The following FRMPD4 variants were observed in gnomAD, a reference collection of about 807,000 sequenced individuals.
FRMPD4 encodes FERM and PDZ domain containing 4.
A neutral mutation model predicts 94.1 loss-of-function variants in FRMPD4; 22 were observed. That is an observed-to-expected ratio of 0.23 (90% CI 0.17 to 0.33). The LOEUF is 0.33. Among genes scored for constraint, FRMPD4 ranks in the 10% least tolerant of loss-of-function variants. The pLI is 1.00. For synonymous variants in FRMPD4, 631 were observed against 548.6 expected (o/e 1.15, Z -2.10); for missense variants, 1,111 against 1,339.9 (o/e 0.83, Z 2.67).
chrX:11,890,081 G>A (rs367940149), intron 3 of FRMPD4, among the ~76,000 whole-genome samples: 3 of 112,493 alleles, frequency 2.7e-5, no homozygotes, highest in South Asian at 7.4e-4. Flanking sequence ...TAGCAGAAGG[G>A]TTGGGGGAAC....
At chrX:11,973,671 A>C (rs1431640328) in intron 3 of FRMPD4, among the ~76,000 whole-genome samples, 1 of 112,033 alleles carries the variant, frequency 8.9e-6, no homozygotes, top group African/African-American at 3.2e-5. Flanking sequence ...TTCGTTCTTC[A>C]TTTTTTGTCT....
At chrX:12,663,868 C>A (rs1462628450) in intron 4 of FRMPD4, among the ~76,000 whole-genome samples, 1 of 112,199 alleles carries the variant, frequency 8.9e-6, no homozygotes, top group African/African-American at 3.2e-5. Context: ...TGTGCCCTCT[C>A]TTATTTCCTT....
Position 12,200,519 on chromosome X carries a change from A to G in FRMPD4, c.41+61507A>G, listed in dbSNP as rs541183840. ...TTTAAAATTTTTATTATTTTTGCAG[A>G]GGTGGGGTCTCACCATATTGCCCAG... On this transcript the variant is annotated intron_variant, in intron 1 of 16. Transcript: ENST00000675598. 1.4e-4 allele frequency among the ~76,000 whole-genome samples: 16 copies of G among 110,948 alleles called. No homozygotes were observed. The South Asian group carries it at 5.9e-3, about 41-fold the overall frequency.
chrX:12,276,206 C>T (rs2054432770), intron 1 of FRMPD4, among the ~76,000 whole-genome samples: 1 of 112,614 alleles, frequency 8.9e-6, no homozygotes, highest in South Asian at 3.7e-4. Flanking sequence ...TTTCTTGTAG[C>T]TGTCCATGAA....
At chrX:12,531,972 T>C (rs35921483) in intron 2 of FRMPD4, among the ~76,000 whole-genome samples, 1,935 of 111,962 alleles carry the variant, frequency 0.017, 42 homozygotes, top group African/African-American at 0.06. Context: ...CCTTAAAGTC[T>C]TCAAACACTC....
chrX:11,863,357 T>A (rs1307654835), intron 1 of FRMPD4, among the ~76,000 whole-genome samples: 1 of 111,083 alleles, frequency 9.0e-6, no homozygotes, highest in East Asian at 2.8e-4. Context: ...GAACTCATCA[T>A]TTTTTATGGC....
At chrX:12,665,291 A>G (rs999441166) in intron 4 of FRMPD4, among the ~76,000 whole-genome samples, 2 of 111,434 alleles carry the variant, frequency 1.8e-5, no homozygotes, top group Non-Finnish European at 1.9e-5. Context: ...AAATACAAAA[A>G]AAATTAGCCG....
At chrX:12,439,480 C>G (rs2057109881) in intron 1 of FRMPD4, among the ~76,000 whole-genome samples, 1 of 111,259 alleles carries the variant, frequency 9.0e-6, no homozygotes, top group Admixed American at 9.6e-5. Flanking sequence ...GTGTGATGGA[C>G]CTCAAAACCA....
intron 3 of FRMPD4, among the ~76,000 whole-genome samples, chrX:12,108,047 C>T (rs189954885): frequency 1.3e-3 from 148 of 111,780 alleles, no homozygotes; most frequent in Non-Finnish European, 1.7e-3. Flanking sequence ...GGCAGGCCAA[C>T]ATTCAAATTC....
At chrX:11,932,781 T>C (rs1325047208) in intron 3 of FRMPD4, among the ~76,000 whole-genome samples, 1 of 111,237 alleles carries the variant, frequency 9.0e-6, no homozygotes, top group Non-Finnish European at 1.9e-5. Flanking sequence ...CTCCTCTGTC[T>C]AGAACTCACA....
intron 1 of FRMPD4, among the ~76,000 whole-genome samples, chrX:12,168,350 A>G (rs1478296095): frequency 1.1e-5 from 1 of 91,865 alleles, no homozygotes; most frequent in African/African-American, 4.0e-5. Flanking sequence ...GCTAATAGGG[A>G]TTCAAAGCCA....
intron 1 of FRMPD4, among the ~76,000 whole-genome samples, chrX:12,384,957 C>A (rs1436523869): frequency 8.9e-6 from 1 of 112,238 alleles, no homozygotes; most frequent in Non-Finnish European, 1.9e-5. Flanking sequence ...CTTCTTCCAA[C>A]CTATCTAATT....
intron 1 of FRMPD4, among the ~76,000 whole-genome samples, chrX:12,208,850 G>A (rs1208810730): frequency 2.7e-5 from 3 of 111,533 alleles, no homozygotes; most frequent in Non-Finnish European, 3.8e-5. Flanking sequence ...TAAAATTATG[G>A]AATAATTCAA....
At chrX:12,102,361 G>A (rs975543769) in intron 3 of FRMPD4, among the ~76,000 whole-genome samples, 2 of 111,735 alleles carry the variant, frequency 1.8e-5, no homozygotes, top group Admixed American at 1.9e-4. Context: ...GTTTGGCTAA[G>A]TTGTCTTGTG....
At chrX:12,543,045 GCTGAAACTGGATCCCTTC>G (rs2058434386) in intron 2 of FRMPD4, among the ~76,000 whole-genome samples, 2 of 111,915 alleles carry the variant, frequency 1.8e-5, no homozygotes, top group South Asian at 7.4e-4. Flanking sequence ...TATGGAGAAA[GCTGAAACTGGATCCCTTC>G]CTTACACCTT....
chrX:12,564,919 G>T (rs188377331), intron 2 of FRMPD4, among the ~76,000 whole-genome samples: 1,957 of 110,901 alleles, frequency 0.018, 46 homozygotes, highest in African/African-American at 0.061. Context: ...TGGAAATTTT[G>T]AGTAACAAAA....
At chrX:12,456,503 C>G (rs2057335063) in intron 1 of FRMPD4, among the ~76,000 whole-genome samples, 1 of 111,837 alleles carries the variant, frequency 8.9e-6, no homozygotes. Context: ...ACCTCTACCC[C>G]CTCCTCCAAT....
chrX:12,147,720 C>A (rs756071816), intron 1 of FRMPD4, among the ~76,000 whole-genome samples: 9 of 111,972 alleles, frequency 8.0e-5, no homozygotes, highest in African/African-American at 1.9e-4. Context: ...ACTGCACTTT[C>A]TACAAATTGA....
chrX:12,676,239 C>T (rs746986693), intron 5 of FRMPD4, among the ~76,000 whole-genome samples: 1 of 112,366 alleles, frequency 8.9e-6, no homozygotes, highest in South Asian at 3.7e-4. Context: ...CCCCAACTGT[C>T]TGATTCCGAG....
Sources: allele counts gnomAD v4.1 joint callset (sites outside exome capture counted in the v4.1 genomes callset), GRCh38; gene constraint gnomAD v4.1.1; transcripts MANE v1.5; gene names NCBI Gene and HGNC (gene_info 2026-07-23, HGNC 2026-07-21).